The following ADSL variants were observed in gnomAD, a reference collection of about 807,000 sequenced individuals.
ADSL encodes the protein adenylosuccinate lyase, also known as adenylosuccinase.
A neutral mutation model predicts 62.1 loss-of-function variants in ADSL; 44 were observed. The ratio of observed to expected loss-of-function variants is 0.71; its 90% CI spans 0.56 to 0.91. The LOEUF (loss-of-function observed/expected upper bound fraction) is 0.91, where lower values mean the gene tolerates loss of function less well. Ranked by LOEUF, ADSL falls within the 40% of genes least tolerant of loss-of-function variation. ADSL has a pLI of 0.00. For missense variants in ADSL, 531 were observed against 627.4 expected (o/e 0.85, Z 1.64); for synonymous variants, 198 against 220.5 (o/e 0.90, Z 0.90).
rs779859012 is a variant in ADSL, at chr22:40,364,882, T to C, written c.1194T>C (p.Asp398=). 3.1e-6 allele frequency: 5 copies of C among 1,614,092 alleles called. No homozygotes were observed. The East Asian group carries it at 1.1e-4, about 36-fold the overall frequency. Residue 398 remains aspartate, a splice_region_variant and synonymous_variant, in exon 12 of 13, where the codon GAT becomes GAC. Transcript: ENST00000623063. The part of the protein sequence containing the change: ...AMVKAGGSRQ[D]CHEKIRVLSQ... ...ACAATACTTCACTGTCTTCCCAGGA[T>C]TGCCATGAGAAAATCAGAGTGCTTT...
chr22:40,377,274 A>G (rs1436506484), intron 2 of ADSL, among the ~76,000 whole-genome samples: 1 of 152,216 alleles, frequency 6.6e-6, no homozygotes, highest in Non-Finnish European at 1.5e-5. Context: ...TTTAATTTGA[A>G]TCTTAGGTTG....
At chr22:40,365,667 C>G (rs2044976748) in intron 12 of ADSL, among the ~76,000 whole-genome samples, 1 of 151,850 alleles carries the variant, frequency 6.6e-6, no homozygotes. Flanking sequence ...CTCAGGAGTT[C>G]AAGAACATCC....
At chr22:40,350,264 C>T (rs772744713) in intron 2 of ADSL, 82 of 500,036 alleles carry the variant, frequency 1.6e-4, no homozygotes, top group Non-Finnish European at 2.3e-4. Flanking sequence ...GCTGGGATTA[C>T]AGGTGCCCAC....
At chr22:40,365,915 C>G (rs981495569) in intron 12 of ADSL, among the ~76,000 whole-genome samples, 1 of 151,728 alleles carries the variant, frequency 6.6e-6, no homozygotes, top group Non-Finnish European at 1.5e-5. Context: ...TCAGAGAGCT[C>G]AAAACTTAGT....
intron 1 of ADSL, 26 bp from the exon 2 acceptor site, chr22:40,349,802 CTATT>C: frequency 6.3e-7 from 1 of 1,590,154 alleles, no homozygotes. Context: ...GACACTGAGA[CTATT>C]TTATTTTATT....
At chr22:40,349,678 A>G (rs1380445434) in intron 1 of ADSL, among the ~76,000 whole-genome samples, 154 bp from the exon 2 acceptor site, 1 of 152,152 alleles carries the variant, frequency 6.6e-6, no homozygotes, top group Admixed American at 6.6e-5. Flanking sequence ...ACCCCTGGCC[A>G]GTGTACTTTC....
chr22:40,346,546 T>C lies in ADSL; in HGVS notation c.-13T>C. ...CCTGGTCCAGTCCACCCTGGCGGGGTCGCAGGGTTGGGATGGCGGCTGGAG... is the reference window on the plus strand; with the variant it reads ...CCTGGTCCAGTCCACCCTGGCGGGGCCGCAGGGTTGGGATGGCGGCTGGAG... On this transcript the variant is annotated 5_prime_UTR_variant, in exon 1 of 13. Transcript: ENST00000623063. 1 of 1,599,094 alleles carries C rather than the reference T, an allele frequency of 6.3e-7. No individual in the cohort carries two copies. The highest frequency in any genetic ancestry group is 1.7e-4 in the Middle Eastern group (1 of 5,986).
intron 2 of ADSL, chr22:40,378,035 C>T (rs1451042129): frequency 6.6e-6 from 1 of 152,156 alleles, no homozygotes; most frequent in East Asian, 1.9e-4. Context: ...GCAGGGCTAT[C>T]CACAGGTGAC....
Position 40,369,349 on chromosome 22 carries a change from A to T in ADSL, c.*2827A>T, listed in dbSNP as rs2045115516. 6.6e-6 allele frequency: 1 copy of T among 151,350 alleles called. No individual in the cohort carries two copies. Among genetic ancestry groups the T allele is most frequent in the East Asian group, 1.9e-4 (1 of 5,186 alleles). 9.4% of individuals were successfully genotyped at this position (151,350 alleles called of 1,614,324 possible). Reference sequence around the variant, plus strand: ...TGCAACTTTGTAATCTGATTTTCCCATGTAACATTTTAATTTGATGGGTGG... The same window carrying T: ...TGCAACTTTGTAATCTGATTTTCCCTTGTAACATTTTAATTTGATGGGTGG... On this transcript the variant is annotated 3_prime_UTR_variant, in exon 13 of 13. Coordinates refer to ENST00000623063, the MANE Select transcript of ADSL (RefSeq NM_000026.4).
At chr22:40,370,908 G>A (rs910135964), downstream of ADSL, among the ~76,000 whole-genome samples, 1 of 152,212 alleles carries the variant, frequency 6.6e-6, no homozygotes, top group Admixed American at 6.5e-5. Flanking sequence ...CGGGGAGGTC[G>A]GCTGCGTCCT....
Position 40,350,008 on chromosome 22 carries a change from T to C in ADSL, c.330T>C (p.Ala110=). The C allele has an allele frequency of 1.9e-6, 3 of 1,614,054 alleles. No individual in the cohort carries two copies. The highest frequency in any genetic ancestry group is 2.5e-6 in the Non-Finnish European group (3 of 1,179,908). The change falls in exon 2 of 13, where the codon GCT becomes GCC. Residue 110 remains alanine (A), a synonymous_variant. Coordinates refer to ENST00000623063, the MANE Select transcript of ADSL (RefSeq NM_000026.4). ...CTGCAGGCATTATTCACCTTGGTGC[T>C]ACTTCTTGCTATGTTGGAGACAATA... ...PKAAGIIHLG[A]TSCYVGDNTD... is the part of the protein sequence containing the mutation.
At chr22:40,353,442 G>A (rs746400027) in intron 3 of ADSL, 1 of 701,036 alleles carries the variant, frequency 1.4e-6, no homozygotes, top group South Asian at 1.5e-5. Flanking sequence ...ACAGGTGCAT[G>A]CCACCTCACC....
downstream of ADSL, chr22:40,372,807 C>T (rs924299681): frequency 6.6e-6 from 1 of 152,156 alleles, no homozygotes; most frequent in East Asian, 1.9e-4. Context: ...TCTTAGTTCT[C>T]AATGAAGGTT....
At chr22:40,379,206 T>C (rs1013155911) in intron 2 of ADSL, 1 of 152,232 alleles carries the variant, frequency 6.6e-6, no homozygotes, top group African/African-American at 2.4e-5. Context: ...CACTTCTGTG[T>C]TCCCGACACT....
chr22:40,386,315 T>A (rs2048432621), intron 2 of ADSL, among the ~76,000 whole-genome samples: 1 of 152,162 alleles, frequency 6.6e-6, no homozygotes, highest in Admixed American at 6.5e-5. Flanking sequence ...CATTATTAAG[T>A]GTGAAATAAT....
In ADSL at chr22:40,366,328, A is replaced by T. The variant is rs2045004617; in HGVS notation, c.1369-108A>T. 7.4e-6 allele frequency: 6 copies of T among 810,766 alleles called. No homozygotes were observed. In the East Asian group the frequency reaches 1.6e-4, roughly 22 times the overall value. The allele number at this position is 810,766 out of a possible 1,614,324, so 50.2% of individuals were successfully genotyped here. A position where few individuals can be genotyped will look rare whatever the true frequency, so the allele number is the denominator to read the frequency against. ...GGAAAACAAGCTCAGTGTTGGAGTA[A>T]AAGCTTCATCAAATTAGGTTTCAGT... is the stretch of plus-strand genomic sequence containing the variant. On this transcript the variant is annotated intron_variant, in intron 12 of 12. Coordinates refer to ENST00000623063, the MANE Select transcript of ADSL (RefSeq NM_000026.4).
chr22:40,361,356 A>G lies in ADSL; in HGVS notation c.862+14A>G. The stretch of plus-strand genomic sequence containing the variant: ...AACAGCAGATTGGTGAGTGCTGTGT[A>G]GAGACCTGTGAGCACACATTGCTGC... On this transcript the variant is annotated intron_variant, in intron 8 of 12. Transcript: ENST00000623063. 1 of 1,613,824 alleles carries G rather than the reference A, an allele frequency of 6.2e-7. No homozygotes were observed. Among genetic ancestry groups the G allele is most frequent in the Non-Finnish European group, 8.5e-7 (1 of 1,179,684 alleles).
At chr22:40,358,035 C>T (rs1466305266) in intron 4 of ADSL, among the ~76,000 whole-genome samples, 3 of 152,156 alleles carry the variant, frequency 2.0e-5, no homozygotes, top group Non-Finnish European at 4.4e-5. Context: ...GTCTCAGCCT[C>T]CCAAAGTGCT....
At chr22:40,347,879 T>C (rs932389381) in intron 1 of ADSL, among the ~76,000 whole-genome samples, 11 of 152,320 alleles carry the variant, frequency 7.2e-5, no homozygotes, top group African/African-American at 2.6e-4. Context: ...CTTAATCATG[T>C]GTTGTGGTTT....
Sources: gnomAD v4.1 joint callset for allele counts (sites outside exome capture counted in the v4.1 genomes callset) on GRCh38, gnomAD v4.1.1 for gene constraint, MANE v1.5 for transcripts, NCBI Gene and HGNC (gene_info 2026-07-23, HGNC 2026-07-21) for gene names.